Variants in KCNIP4 observed in about 807,000 individuals in gnomAD.
The protein encoded by KCNIP4 is potassium voltage-gated channel interacting protein 4.
In KCNIP4, 12 loss-of-function variants were observed where a neutral mutation model predicts 34.0. The observed-to-expected ratio is 0.35, with a 90% confidence interval of 0.23 to 0.57. The LOEUF is 0.57. KCNIP4 is among the 20% of genes least tolerant of loss of function. KCNIP4 has a pLI of 0.83. For missense variants in KCNIP4, 238 were observed against 311.7 expected, an observed-to-expected ratio of 0.76 and a Z score of 1.78; for synonymous variants, 124 against 102.2, an observed-to-expected ratio of 1.21 and a Z score of -1.29.
intron 3 of KCNIP4, among the ~76,000 whole-genome samples, chr4:20,787,799 A>G (rs1316568078): frequency 6.6e-6 from 1 of 152,094 alleles, no homozygotes; most frequent in Non-Finnish European, 1.5e-5. Context: ...TATTTCCAGC[A>G]TAATTTATTT....
intron 3 of KCNIP4, among the ~76,000 whole-genome samples, chr4:20,839,901 G>A: frequency 6.6e-6 from 1 of 152,270 alleles, no homozygotes; most frequent in African/African-American, 2.4e-5. Context: ...ACAGAAAAGA[G>A]TTAGCATAAC....
chr4:21,422,840 A>G (rs1725598435), intron 1 of KCNIP4, among the ~76,000 whole-genome samples: 1 of 152,128 alleles, frequency 6.6e-6, no homozygotes, highest in African/African-American at 2.4e-5. Flanking sequence ...GAACTATGGC[A>G]TGGAGAAAGC....
intron 2 of KCNIP4, among the ~76,000 whole-genome samples, chr4:20,874,939 G>A (rs1038745616): frequency 2.0e-5 from 3 of 152,098 alleles, no homozygotes; most frequent in Non-Finnish European, 4.4e-5. Context: ...GGACAGTGAA[G>A]TACCACAAAA....
intron 2 of KCNIP4, among the ~76,000 whole-genome samples, chr4:20,865,543 C>G (rs1460175659): frequency 6.6e-6 from 1 of 151,870 alleles, no homozygotes; most frequent in Non-Finnish European, 1.5e-5. Context: ...AAAAGAAGAT[C>G]CTACTATTTG....
intron 1 of KCNIP4, among the ~76,000 whole-genome samples, chr4:21,455,808 CATATATAT>C (rs1171436191): frequency 0.019 from 1,351 of 71,582 alleles, 16 homozygotes; most frequent in African/African-American, 0.026. Flanking sequence ...TACAGATATT[CATATATAT>C]ATATATATAT....
intron 1 of KCNIP4, among the ~76,000 whole-genome samples, chr4:20,987,371 T>A (rs1052599665): frequency 1.3e-5 from 2 of 151,856 alleles, no homozygotes; most frequent in Non-Finnish European, 2.9e-5. Context: ...TTTCTTTACA[T>A]TGTAATGAGT....
chr4:21,593,270 C>T (rs1254142226), intron 1 of KCNIP4, among the ~76,000 whole-genome samples: 1 of 152,100 alleles, frequency 6.6e-6, no homozygotes, highest in Non-Finnish European at 1.5e-5. Flanking sequence ...TATGCTGCCA[C>T]TTCTGGGCTG....
At chr4:21,382,775 G>A (rs1312118280) in intron 1 of KCNIP4, among the ~76,000 whole-genome samples, 1 of 152,064 alleles carries the variant, frequency 6.6e-6, no homozygotes, top group East Asian at 1.9e-4. Context: ...AACTATAAAT[G>A]AAGTATTACC....
chr4:21,393,062 T>A (rs1188283691), intron 1 of KCNIP4, among the ~76,000 whole-genome samples: 1 of 152,162 alleles, frequency 6.6e-6, no homozygotes, highest in Non-Finnish European at 1.5e-5. Flanking sequence ...ATCAAATTTG[T>A]TGTGATGATG....
chr4:21,216,386 CACTA>C (rs1757578407), intron 1 of KCNIP4, among the ~76,000 whole-genome samples: 1 of 152,192 alleles, frequency 6.6e-6, no homozygotes, highest in Non-Finnish European at 1.5e-5. Flanking sequence ...ATTTCCTAAA[CACTA>C]ACTATAAGTG....
At chr4:20,826,398 G>C (rs1717761577) in intron 3 of KCNIP4, among the ~76,000 whole-genome samples, 1 of 151,788 alleles carries the variant, frequency 6.6e-6, no homozygotes, top group African/African-American at 2.4e-5. Flanking sequence ...AGCATAGTGA[G>C]ACCCCCATCT....
chr4:21,176,104 C>T (rs945649854), intron 1 of KCNIP4, among the ~76,000 whole-genome samples: 15 of 152,188 alleles, frequency 9.9e-5, no homozygotes, highest in Admixed American at 7.9e-4. Flanking sequence ...CTGAATTAGA[C>T]AAGGTAAAGC....
chr4:21,062,666 T>C (rs1744028724), intron 1 of KCNIP4, among the ~76,000 whole-genome samples: 1 of 152,108 alleles, frequency 6.6e-6, no homozygotes, highest in Admixed American at 6.6e-5. Context: ...GTGCTATAGT[T>C]TTTGTTTGAC....
chr4:21,262,689 A>G lies in KCNIP4; in HGVS notation c.62-379980T>C, dbSNP rs180989883. On this transcript the variant is annotated intron_variant, in intron 1 of 8. Coordinates refer to ENST00000382152, the MANE Select transcript of KCNIP4 (RefSeq NM_025221.6). ...CTGGGAGCAATTTCTAATAAATCAC[A>G]TTGACACAAAATCTCATCTCAGGAT... Among the ~76,000 whole-genome samples, 397 of 152,296 alleles carry G rather than the reference A, an allele frequency of 2.6e-3. 3 individuals are homozygous for G. Among genetic ancestry groups the G allele is most frequent in the Middle Eastern group, 6.8e-3 (2 of 294 alleles).
chr4:21,348,161 AT>A (rs1408984233), intron 1 of KCNIP4, among the ~76,000 whole-genome samples: 1 of 152,132 alleles, frequency 6.6e-6, no homozygotes, highest in Non-Finnish European at 1.5e-5. Flanking sequence ...CTTGACTGGT[AT>A]ATCGATTTTT....
intron 1 of KCNIP4, among the ~76,000 whole-genome samples, chr4:20,905,130 G>T (rs1463097447): frequency 1.3e-5 from 2 of 152,140 alleles, no homozygotes; most frequent in East Asian, 3.9e-4. Flanking sequence ...AGACCAGGTG[G>T]CTTAAACAAC....
intron 1 of KCNIP4, among the ~76,000 whole-genome samples, chr4:20,937,395 C>T (rs1165627448): frequency 4.0e-5 from 6 of 151,588 alleles, no homozygotes; most frequent in East Asian, 3.9e-4. Context: ...TCACCATGCC[C>T]GGCTAGTTTT....
chr4:21,535,521 C>T (rs1023375693), intron 1 of KCNIP4, among the ~76,000 whole-genome samples: 1 of 152,052 alleles, frequency 6.6e-6, no homozygotes, highest in African/African-American at 2.4e-5. Context: ...GCCAAACTCT[C>T]CCTTCTGTAA....
chr4:21,883,989 G>A (rs894701710), intron 1 of KCNIP4, among the ~76,000 whole-genome samples: 1 of 152,020 alleles, frequency 6.6e-6, no homozygotes, highest in Non-Finnish European at 1.5e-5. Context: ...CACTTGCTGG[G>A]AATATAGTAG....
Sources: allele counts gnomAD v4.1 joint callset (sites outside exome capture counted in the v4.1 genomes callset), GRCh38; gene constraint gnomAD v4.1.1; transcripts MANE v1.5; gene names NCBI Gene and HGNC (gene_info 2026-07-23, HGNC 2026-07-21).